The following ZAN variants were observed in gnomAD, a reference collection of about 807,000 sequenced individuals.
ZAN encodes zonadhesin.
In ZAN, 260 loss-of-function variants were observed where a neutral mutation model predicts 286.2. That is an observed-to-expected ratio of 0.91 (90% CI 0.82 to 1.01). ZAN has a LOEUF of 1.01. ZAN is among the 50% of genes least tolerant of loss of function. ZAN has a pLI of 0.00. For missense variants in ZAN, 3,410 were observed against 3,639.2 expected (o/e 0.94, Z 1.62); for synonymous variants, 1,368 against 1,417.5 (o/e 0.97, Z 0.79).
intron 29 of ZAN, among the ~76,000 whole-genome samples, chr7:100,772,882 T>G (rs371126633): frequency 0.022 from 3,282 of 146,976 alleles, 102 homozygotes; most frequent in South Asian, 0.13. Context: ...TTGTTTTTTT[T>G]TTTTTTTGCT....
chr7:100,738,698 C>A, intron 7 of ZAN, 85 bp downstream of exon 7: 1 of 1,326,776 alleles, frequency 7.5e-7, no homozygotes, highest in Non-Finnish European at 1.0e-6. Flanking sequence ...CTGTCATGAA[C>A]ACCTACAGCT....
rs565291495 is a variant in ZAN at position 100,764,142 on chromosome 7, A to C, written c.4213A>C (p.Thr1405Pro). 1.4e-5 allele frequency: 22 copies of C among 1,607,748 alleles called. No individual in the cohort carries two copies. The African/African-American group carries it at 2.9e-4, about 22-fold the overall frequency. Reference protein sequence around the residue: ...LCTHMSTMTTTCQDAGHAVKP... With the variant: ...LCTHMSTMTTPCQDAGHAVKP... ...CACACACATGTCCACCATGACCACCACCTGCCAGGACGCAGGCCACGCTGT... is the reference window on the plus strand; with the variant it reads ...CACACACATGTCCACCATGACCACCCCCTGCCAGGACGCAGGCCACGCTGT... The change falls in exon 22 of 48, where the codon ACC becomes CCC. Residue 1405 changes from threonine (T) to proline (P), a missense_variant. This residue lies in a region of ZAN where 1,042 missense variants were observed against 1,058.0 expected (regional missense o/e 0.98). Transcript: ENST00000613979.
intron 28 of ZAN, among the ~76,000 whole-genome samples, chr7:100,770,207 T>C (rs1170793069): frequency 1.3e-5 from 2 of 151,618 alleles, no homozygotes; most frequent in African/African-American, 4.8e-5. Flanking sequence ...TTTTTCCTAT[T>C]AAAAATGTTT....
chr7:100,777,015 A>G (rs1331301166), intron 34 of ZAN, among the ~76,000 whole-genome samples: 1 of 143,750 alleles, frequency 7.0e-6, no homozygotes, highest in Non-Finnish European at 1.5e-5. Context: ...TACAGGCGTG[A>G]GCCACCGCGC....
At position 100,767,089 on chromosome 7, in the gene ZAN, C is replaced by T. The variant is rs1053026008; in HGVS notation, c.4692C>T (p.Cys1564=). The T allele has an allele frequency of 6.2e-7, 1 of 1,613,862 alleles. No individual in the cohort carries two copies. Among genetic ancestry groups the T allele is most frequent in the Non-Finnish European group, 8.5e-7 (1 of 1,179,892 alleles). ...DGALHHFMGT[C]TYVLTRPCWS... ...CCTTGCACCACTTCATGGGCACCTG[C>T]ACCTATGTCCTGACCCGGCCTTGCT... Residue 1564 remains cysteine, a synonymous_variant, in exon 25 of 48, where the codon TGC becomes TGT. Coordinates refer to ENST00000613979, the MANE Select transcript of ZAN (RefSeq NM_003386.3).
intron 11 of ZAN, 54 bp downstream of exon 11, chr7:100,748,524 T>A: frequency 6.4e-7 from 1 of 1,559,038 alleles, no homozygotes; most frequent in Non-Finnish European, 8.7e-7. Flanking sequence ...TGCTCCCAGG[T>A]AGCAGGCTGG....
Position 100,766,589 on chromosome 7 carries a change from T to A in ZAN, c.4535T>A (p.Ile1512Asn), listed in dbSNP as rs1410983048. 5 of 1,553,152 alleles carry A rather than the reference T, an allele frequency of 3.2e-6. No homozygotes were observed. In the East Asian group the frequency reaches 1.2e-4, roughly 38 times the overall value. Residue 1512 changes from isoleucine (I) to asparagine (N), a missense_variant, in exon 24 of 48, where the codon ATT becomes AAT. Around this residue, in one of 7 missense-constraint regions of ZAN, gnomAD observed 1,042 missense variants for 1,058.0 expected, o/e 0.98. Coordinates refer to ENST00000613979, the MANE Select transcript of ZAN (RefSeq NM_003386.3). ...TGCGTCTGTGAAAGCAACAACAGAA[T>A]TCGCTGCCAGCCCTGGAGGTGTAGG... is the stretch of plus-strand genomic sequence containing the variant. Reference protein sequence around the residue: ...ELCVCESNNRIRCQPWRCRAQ... With the variant: ...ELCVCESNNRNRCQPWRCRAQ...
intron 39 of ZAN, 112 bp from the exon 40 acceptor site, chr7:100,790,830 C>G (rs1562957427): frequency 1.6e-6 from 2 of 1,248,254 alleles, no homozygotes; most frequent in Non-Finnish European, 1.1e-6. Flanking sequence ...TTGCAGTGAG[C>G]CAAGATCACA....
At chr7:100,749,675 T>TATATAC (rs1554399725) in intron 11 of ZAN, among the ~76,000 whole-genome samples, 17 of 130,422 alleles carry the variant, frequency 1.3e-4, no homozygotes, top group East Asian at 4.6e-4. Flanking sequence ...TATATATATA[T>TATATAC]ACACACACAC....
chr7:100,759,235 G>GAAA (rs112702630), intron 17 of ZAN, among the ~76,000 whole-genome samples: 22 of 143,940 alleles, frequency 1.5e-4, no homozygotes, highest in African/African-American at 5.1e-4. Context: ...CTCTGTCTCA[G>GAAA]AAAAAAAAAA....
chr7:100,738,943 CCCT>C (rs1807535172), intron 7 of ZAN, among the ~76,000 whole-genome samples: 1 of 7,044 alleles, frequency 1.4e-4, no homozygotes, highest in African/African-American at 4.3e-4. Context: ...CTCTCCCTCT[CCCT>C]CTCCCTCTCC....
chr7:100,792,117 C>T lies in ZAN; in HGVS notation c.7681C>T (p.His2561Tyr), dbSNP rs1364468349. 1.3e-5 allele frequency: 21 copies of T among 1,611,860 alleles called. No homozygotes were observed. Among genetic ancestry groups the T allele is most frequent in the Non-Finnish European group, 1.7e-5 (20 of 1,179,332 alleles). Residue 2561 changes from histidine to tyrosine, a missense_variant, in exon 41 of 48, where the codon CAC becomes TAC. Around this residue, in one of 7 missense-constraint regions of ZAN, gnomAD observed 1,289 missense variants for 1,314.3 expected, o/e 0.98. Coordinates refer to ENST00000613979, the MANE Select transcript of ZAN (RefSeq NM_003386.3). ...ADPQGPFAAC[H>Y]QTVAPEPFQE... ...CCCCCAGGGCCCCTTTGCTGCCTGT[C>T]ACCAGACGGTGGCCCCAGAGCCCTT...
Position 100,765,346 on chromosome 7 carries a change from C to T in ZAN, c.4268-6C>T, listed in dbSNP as rs930633499. The T allele has an allele frequency of 1.9e-6, 3 of 1,613,554 alleles. No individual in the cohort carries two copies. The highest frequency in any genetic ancestry group is 2.5e-6 in the Non-Finnish European group (3 of 1,179,744). On this transcript the variant is annotated splice_polypyrimidine_tract_variant and splice_region_variant and intron_variant, in intron 22 of 47. Transcript: ENST00000613979. ...TCCTTCTCACCCAAGCTTCTCCCTC[C>T]ACCAGCAATGGCCTGCCCGCCCAAC...
intron 7 of ZAN, among the ~76,000 whole-genome samples, chr7:100,744,966 C>T (rs1808084417): frequency 2.0e-5 from 3 of 151,314 alleles, no homozygotes; most frequent in African/African-American, 7.3e-5. Context: ...TCACTGCAAC[C>T]TCCGCCTCCC....
chr7:100,765,640 T>G (rs1562937295), intron 23 of ZAN, 86 bp downstream of exon 23: 3 of 1,436,924 alleles, frequency 2.1e-6, no homozygotes, highest in Admixed American at 4.9e-5. Flanking sequence ...CTTTCTTTTC[T>G]TTTCGTTTCT....
At chr7:100,743,722 C>G (rs974391377) in intron 7 of ZAN, among the ~76,000 whole-genome samples, 5 of 151,056 alleles carry the variant, frequency 3.3e-5, no homozygotes, top group Non-Finnish European at 7.4e-5. Context: ...ACAAAAAATA[C>G]AAAAATTAGC....
Position 100,794,216 on chromosome 7 carries a change from G to A in ZAN, c.8083G>A (p.Glu2695Lys), listed in dbSNP as rs373913004. Residue 2695 changes from glutamate to lysine, a missense_variant, in exon 44 of 48, where the codon GAG (glutamate) becomes AAG (lysine). Physicochemically the swap from Glu to Lys is moderately conservative, Grantham distance 56. Coordinates refer to ENST00000613979, the MANE Select transcript of ZAN (RefSeq NM_003386.3). ...LCEPFSCRAG[E>K]VCTLGNHTQG... ...TGAGCCCTTCAGCTGCAGAGCGGGG[G>A]AGGTCTGCACCCTGGGGAACCACAC... 3 of 1,613,504 alleles carry A rather than the reference G, an allele frequency of 1.9e-6. No individual in the cohort carries two copies. Among genetic ancestry groups the A allele is most frequent in the African/African-American group, 1.3e-5 (1 of 74,932 alleles).
chr7:100,746,405 C>T (rs41280986), intron 7 of ZAN, 133 bp from the exon 8 acceptor site: 29,248 of 1,188,034 alleles, frequency 0.025, 433 homozygotes, highest in Middle Eastern at 0.072. Context: ...ATAGGACCAC[C>T]TCAGTGCTGC....
At chr7:100,750,059 AACACACAC>A (rs373704697) in intron 11 of ZAN, among the ~76,000 whole-genome samples, 2,937 of 122,268 alleles carry the variant, frequency 0.024, 33 homozygotes, top group Middle Eastern at 0.053. Flanking sequence ...TCAAAAAAAC[AACACACAC>A]ACACACACAC....
Sources: gnomAD v4.1 joint callset for allele counts (sites outside exome capture counted in the v4.1 genomes callset) on GRCh38, gnomAD v4.1.1 for gene constraint, gnomAD v4.1.1 regional missense constraint, MANE v1.5 for transcripts, NCBI Gene and HGNC (gene_info 2026-07-23, HGNC 2026-07-21) for gene names.